Variants in ALDH16A1 observed in about 807,000 individuals in gnomAD.
The protein encoded by ALDH16A1 is aldehyde dehydrogenase 16 family member A1, also known as aldehyde dehydrogenase family 16 member A1.
A neutral mutation model predicts 96.1 loss-of-function variants in ALDH16A1; 88 were observed. That is an observed-to-expected ratio of 0.92 (90% CI 0.77 to 1.09). The LOEUF (loss-of-function observed/expected upper bound fraction) is 1.09. Among genes scored for constraint, ALDH16A1 ranks in the 50% least tolerant of loss-of-function variants. The pLI is 0.00. For synonymous variants in ALDH16A1, 522 were observed against 496.4 expected (o/e 1.05, Z -0.69); for missense variants, 1,250 against 1,112.6 (o/e 1.12, Z -1.76).
chr19:49,461,734 G>A lies in ALDH16A1; in HGVS notation c.693G>A (p.Ala231=), dbSNP rs1350992721. 7.5e-6 allele frequency: 12 copies of A among 1,610,122 alleles called. No individual in the cohort carries two copies. The highest frequency in any genetic ancestry group is 6.7e-5 in the East Asian group (3 of 44,734). Residue 231 remains alanine, a synonymous_variant, in exon 6 of 17, where the codon GCG becomes GCA. Transcript: ENST00000293350. ...TCCTGAATGTCCTCAGTGGCCCTGCGTCCCTGGTGCCCATCCTGGCCTCCC... is the reference window on the plus strand; with the variant it reads ...TCCTGAATGTCCTCAGTGGCCCTGCATCCCTGGTGCCCATCCTGGCCTCCC... ...PGILNVLSGP[A]SLVPILASQP... is the part of the protein sequence containing the mutation.
At chr19:49,462,486 T>A in intron 7 of ALDH16A1, 84 bp from the exon 8 acceptor site, 3 of 1,484,642 alleles carry the variant, frequency 2.0e-6, no homozygotes, top group South Asian at 2.6e-5. Flanking sequence ...TGTCCCTAGT[T>A]TTCCAGCCTC....
intron 4 of ALDH16A1, among the ~76,000 whole-genome samples, chr19:49,460,325 G>A (rs2079131132): frequency 6.6e-6 from 1 of 151,396 alleles, no homozygotes; most frequent in Admixed American, 6.6e-5. Context: ...CTGATACCTC[G>A]ACCTCCTGGG....
rs776704156 is a variant in ALDH16A1, at chr19:49,461,796, C to T, written c.755C>T (p.Pro252Leu). ...CGGAAGGTGGCCTTCTGCGGAGCCC[C>T]GGAGGTACCTTCGGGACAGGGGTCG... ...GIRKVAFCGAPEEGRALRRSL... is the reference protein window; with the variant it reads ...GIRKVAFCGALEEGRALRRSL... Residue 252 changes from proline to leucine, a missense_variant, in exon 6 of 17, where the codon CCG becomes CTG. Coordinates refer to ENST00000293350, the MANE Select transcript of ALDH16A1 (RefSeq NM_153329.4). 43 of 1,610,506 alleles carry T rather than the reference C, an allele frequency of 2.7e-5. No individual in the cohort carries two copies. The highest frequency in any genetic ancestry group is 1.6e-4 in the African/African-American group (12 of 74,786).
At chr19:49,464,600 C>T (rs1288635186) in intron 11 of ALDH16A1, 32 bp from the exon 12 acceptor site, 2 of 1,614,082 alleles carry the variant, frequency 1.2e-6, no homozygotes, top group South Asian at 2.2e-5. Flanking sequence ...TCGCGTGCCC[C>T]TTGCATCCTC....
chr19:49,465,391 T>C (rs1389706053), intron 12 of ALDH16A1, among the ~76,000 whole-genome samples: 2 of 147,184 alleles, frequency 1.4e-5, no homozygotes, highest in Non-Finnish European at 3.0e-5. Context: ...AGCAGGAGTT[T>C]AGGGTACCCA....
In ALDH16A1 at chr19:49,468,773, A is replaced by G. The variant is rs2079220963; in HGVS notation, c.2125-91A>G. On this transcript the variant is annotated intron_variant, in intron 15 of 16. Transcript: ENST00000293350. The surrounding 1 kb of genome is among the most constrained non-coding windows in gnomAD (Gnocchi z 4.4). ...GGGGCTTTCTCCTCCATGACCCCCC[A>G]TCCCCTTCCCTCCCATGGGCACCCC... is the stretch of plus-strand genomic sequence containing the variant. 4.3e-6 allele frequency: 6 copies of G among 1,395,002 alleles called. No homozygotes were observed. Among genetic ancestry groups the G allele is most frequent in the Non-Finnish European group, 5.9e-6 (6 of 1,019,028 alleles). 86.4% of individuals were successfully genotyped at this position (1,395,002 alleles called of 1,614,324 possible). A position where few individuals can be genotyped will look rare whatever the true frequency, so the allele number is the denominator to read the frequency against.
intron 12 of ALDH16A1, among the ~76,000 whole-genome samples, chr19:49,465,466 C>T (rs560765187): frequency 6.7e-6 from 1 of 150,282 alleles, no homozygotes; most frequent in East Asian, 2.0e-4. Flanking sequence ...CTTGAGTCAT[C>T]CAGAGGCTCA....
Position 49,462,621 on chromosome 19 carries a change from CG to C in ALDH16A1, c.966del (p.Leu323CysfsTer179). Reference protein sequence around the residue: ...QESVWDEAMRRLQERMGRLRS... With the variant: ...QESVWDEAMRXLQERMGRLRS... Reference sequence around the variant, plus strand: ...GTCTGTGTGGGATGAAGCCATGAGACGGCTGCAGGAGCGGATGGGGCGGCTT... The same window carrying C: ...GTCTGTGTGGGATGAAGCCATGAGACGCTGCAGGAGCGGATGGGGCGGCTT... On this transcript the variant is annotated frameshift_variant, in exon 8 of 17. Coordinates refer to ENST00000293350, the MANE Select transcript of ALDH16A1 (RefSeq NM_153329.4). LOFTEE classifies it high-confidence loss of function. The C allele has an allele frequency of 6.2e-7, 1 of 1,613,006 alleles. No homozygotes were observed. Among genetic ancestry groups the C allele is most frequent in the Non-Finnish European group, 8.5e-7 (1 of 1,179,942 alleles).
Position 49,458,517 on chromosome 19 carries a change from G to A in ALDH16A1, c.122G>A (p.Gly41Asp). ...AWLDTQDRCL[G>D]HYVNGKWLKP... ...CTGGACACCCAGGACCGGTGCTTGG[G>A]CCACTATGTGAATGGGAAGTGGTTA... The change falls in exon 2 of 17, where the codon GGC (glycine) becomes GAC (aspartate). Residue 41 changes from glycine to aspartate, a missense_variant. Transcript: ENST00000293350. 2 of 1,566,574 alleles carry A rather than the reference G, an allele frequency of 1.3e-6. No individual in the cohort carries two copies. Among genetic ancestry groups the A allele is most frequent in the African/African-American group, 1.3e-5 (1 of 74,150 alleles).
rs762323272 is a variant in ALDH16A1 at position 49,460,811 on chromosome 19, T to C, written c.500-11T>C. On this transcript the variant is annotated splice_polypyrimidine_tract_variant and intron_variant, in intron 4 of 16. Transcript: ENST00000293350. The stretch of plus-strand genomic sequence containing the variant: ...CTCAAGGGATCCTCTTGCCTCATTT[T>C]TTTCTTGCAGGAGTAATTGGCCTCA... 1 of 1,612,828 alleles carries C rather than the reference T, an allele frequency of 6.2e-7. No individual in the cohort carries two copies. Among genetic ancestry groups the C allele is most frequent in the Non-Finnish European group, 8.5e-7 (1 of 1,179,470 alleles).
At chr19:49,464,092 C>T (rs373326957) in intron 9 of ALDH16A1, 35 bp from the exon 10 acceptor site, 47 of 1,598,508 alleles carry the variant, frequency 2.9e-5, no homozygotes, top group Non-Finnish European at 3.8e-5. Flanking sequence ...GTGGGTGGGC[C>T]CTGGAGGGCT....
At position 49,461,874 on chromosome 19, in the gene ALDH16A1, G is replaced by GA; in HGVS notation, c.760-10_760-9insA. On this transcript the variant is annotated splice_polypyrimidine_tract_variant and intron_variant, in intron 6 of 16. Coordinates refer to ENST00000293350, the MANE Select transcript of ALDH16A1 (RefSeq NM_153329.4). ...GCTCCTCCTGCGGCTGAACTGGGGG[G>GA]GGTCCCTAGGAAGGGCGTGCCCTTC... is the stretch of plus-strand genomic sequence containing the variant. 2 of 1,585,300 alleles carry GA rather than the reference G, an allele frequency of 1.3e-6. No homozygotes were observed. The highest frequency in any genetic ancestry group is 1.7e-6 in the Non-Finnish European group (2 of 1,166,204).
intron 13 of ALDH16A1, 44 bp downstream of exon 13, chr19:49,465,949 A>T (rs1444317296): frequency 6.3e-7 from 1 of 1,592,438 alleles, no homozygotes; most frequent in East Asian, 2.3e-5. Flanking sequence ...GGTGTGGCAG[A>T]GAGGGGAGCC....
chr19:49,468,756 C>G lies in ALDH16A1; in HGVS notation c.2125-108C>G. ...TTCTTCACCCTAGGCCTGGGGCTTT[C>G]TCCTCCATGACCCCCCATCCCCTTC... On this transcript the variant is annotated intron_variant, in intron 15 of 16. Transcript: ENST00000293350. This position sits in a 1 kb window ranked among gnomAD's most constrained non-coding sequence, Gnocchi z 4.4. 1 of 1,423,814 alleles carries G rather than the reference C, an allele frequency of 7.0e-7. No homozygotes were observed. Among genetic ancestry groups the G allele is most frequent in the South Asian group, 1.3e-5 (1 of 77,878 alleles). 88.2% of individuals were successfully genotyped at this position (1,423,814 alleles called of 1,614,324 possible). A position where few individuals can be genotyped will look rare whatever the true frequency, so the allele number is the denominator to read the frequency against.
intron 4 of ALDH16A1, among the ~76,000 whole-genome samples, chr19:49,460,615 T>C (rs1341304723): frequency 1.3e-5 from 2 of 151,994 alleles, no homozygotes; most frequent in East Asian, 1.9e-4. Flanking sequence ...GGTTTTTCCA[T>C]GTTGGTCAGG....
At chr19:49,470,210 G>A in intron 16 of ALDH16A1, 96 bp from the exon 17 acceptor site, 6 of 1,470,968 alleles carry the variant, frequency 4.1e-6, no homozygotes, top group Non-Finnish European at 5.6e-6. Flanking sequence ...GGTCCAGCCT[G>A]AAGCCCCTCG....
chr19:49,469,297 C>T (rs2079225773), intron 16 of ALDH16A1: 1 of 205,796 alleles, frequency 4.9e-6, no homozygotes, highest in African/African-American at 2.3e-5. Flanking sequence ...AGAACCTCAC[C>T]CTGTCACCCA....
intron 14 of ALDH16A1, among the ~76,000 whole-genome samples, chr19:49,467,602 G>A (rs866633954): frequency 6.7e-6 from 1 of 149,094 alleles, no homozygotes; most frequent in Middle Eastern, 3.9e-3. Flanking sequence ...GTTTCACCAT[G>A]TTAGGATGGT....
At position 49,463,603 on chromosome 19, in the gene ALDH16A1, G is replaced by T. The variant is rs572970668; in HGVS notation, c.1099-251G>T. 4.2e-5 allele frequency among the ~76,000 whole-genome samples: 3 copies of T among 71,486 alleles called. No homozygotes were observed. The South Asian group carries it at 1.8e-3, about 43-fold the overall frequency. 46.9% of individuals were successfully genotyped at this position (71,486 alleles called of 152,430 possible). On this transcript the variant is annotated intron_variant, in intron 8 of 16. Coordinates refer to ENST00000293350, the MANE Select transcript of ALDH16A1 (RefSeq NM_153329.4). ...TGGGTCTGAGGGAGGAGGGGCTGGG[G>T]CCTGGACTCCTGGGTCTGAGGGAGG...
Sources: allele counts gnomAD v4.1 joint callset (sites outside exome capture counted in the v4.1 genomes callset), GRCh38; gene constraint gnomAD v4.1.1; non-coding constraint Gnocchi (gnomAD v3.1); transcripts MANE v1.5; gene names NCBI Gene and HGNC (gene_info 2026-07-23, HGNC 2026-07-21).